The following KREMEN1 variants were observed in gnomAD, a reference collection of about 807,000 sequenced individuals.
KREMEN1 encodes kremen protein 1.
KREMEN1 carries 30 observed loss-of-function variants against 46.5 expected under a neutral mutation model. That is an observed-to-expected ratio of 0.65 (90% confidence interval 0.48 to 0.88). The LOEUF is 0.88. Among genes scored for constraint, KREMEN1 ranks in the 40% least tolerant of loss-of-function variants. The pLI, the probability that KREMEN1 is intolerant of heterozygous loss-of-function variation, is 0.00. For synonymous variants in KREMEN1, 214 were observed against 230.6 expected (o/e 0.93, Z 0.65); for missense variants, 533 against 596.9 (o/e 0.89, Z 1.11).
intron 3 of KREMEN1, among the ~76,000 whole-genome samples, chr22:29,111,133 C>T (rs1245359904): frequency 6.6e-6 from 1 of 151,280 alleles, no homozygotes; most frequent in African/African-American, 2.4e-5. Context: ...ATAGTGAGAC[C>T]CCATCTCTAC....
chr22:29,137,062 T>G (rs1026710501), intron 5 of KREMEN1, among the ~76,000 whole-genome samples: 1 of 152,156 alleles, frequency 6.6e-6, no homozygotes, highest in Non-Finnish European at 1.5e-5. Context: ...CACTTGGCCC[T>G]GCCAGTCCCA....
chr22:29,125,754 T>G (rs905253407), intron 5 of KREMEN1, among the ~76,000 whole-genome samples: 3 of 152,168 alleles, frequency 2.0e-5, no homozygotes, highest in African/African-American at 7.2e-5. Flanking sequence ...TTTATTATAC[T>G]CTTGCTTTAA....
chr22:29,085,080 A>G (rs182512682), intron 1 of KREMEN1, among the ~76,000 whole-genome samples: 29 of 152,378 alleles, frequency 1.9e-4, no homozygotes, highest in Admixed American at 1.7e-3. Flanking sequence ...AGAACGTGAT[A>G]TATGAGTATC....
At chr22:29,099,025 G>A in intron 3 of KREMEN1, 72 bp downstream of exon 3, 1 of 1,137,738 alleles carries the variant, frequency 8.8e-7, no homozygotes, top group Non-Finnish European at 1.3e-6. Flanking sequence ...GGAGGCCCCT[G>A]CCAGAGGTCA....
chr22:29,142,749 C>A lies in KREMEN1; in HGVS notation c.*637C>A. On this transcript the variant is annotated 3_prime_UTR_variant, in exon 9 of 9. Transcript: ENST00000400335. Reference sequence around the variant, plus strand: ...AGGGTCTGAGAATAAGATCTAGTGACCCCCATTTATATCAAACCTGATACC... The same window carrying A: ...AGGGTCTGAGAATAAGATCTAGTGAACCCCATTTATATCAAACCTGATACC... 1.0e-6 allele frequency: 1 copy of A among 985,402 alleles called. No homozygotes were observed. The highest frequency in any genetic ancestry group is 1.1e-4 in the East Asian group (1 of 8,810). 61.0% of individuals were successfully genotyped at this position (985,402 alleles called of 1,614,324 possible).
At chr22:29,140,729 G>A (rs117429497) in intron 8 of KREMEN1, among the ~76,000 whole-genome samples, 1 of 152,312 alleles carries the variant, frequency 6.6e-6, no homozygotes, top group Non-Finnish European at 1.5e-5. Flanking sequence ...TCTAGAAATT[G>A]AGAAACATCC....
intron 1 of KREMEN1, among the ~76,000 whole-genome samples, chr22:29,093,746 G>T (rs1021262473): frequency 2.0e-5 from 3 of 152,196 alleles, no homozygotes; most frequent in Non-Finnish European, 4.4e-5. Context: ...GTGTGATTGG[G>T]ATTCCAAAGC....
chr22:29,089,125 AC>A (rs931470041), intron 1 of KREMEN1, among the ~76,000 whole-genome samples: 2 of 152,086 alleles, frequency 1.3e-5, no homozygotes, highest in African/African-American at 4.8e-5. Context: ...AGTGCTGGGG[AC>A]CATATTTCTA....
At chr22:29,074,879 T>C (rs750104740) in intron 1 of KREMEN1, among the ~76,000 whole-genome samples, 7 of 152,340 alleles carry the variant, frequency 4.6e-5, no homozygotes, top group Middle Eastern at 3.4e-3. Context: ...TTAAATGATA[T>C]ACTGTAGGTA....
At chr22:29,117,743 T>C (rs904131537) in intron 3 of KREMEN1, among the ~76,000 whole-genome samples, 2 of 152,192 alleles carry the variant, frequency 1.3e-5, no homozygotes, top group Non-Finnish European at 2.9e-5. Context: ...GGACTTCAGC[T>C]GATAGTGGAG....
Position 29,142,183 on chromosome 22 carries a change from G to A in KREMEN1, c.*71G>A. The A allele has an allele frequency of 6.8e-7, 1 of 1,464,514 alleles. No individual in the cohort carries two copies. The highest frequency in any genetic ancestry group is 1.4e-5 in the African/African-American group (1 of 69,356). 90.7% of individuals were successfully genotyped at this position (1,464,514 alleles called of 1,614,324 possible). A position where few individuals can be genotyped will look rare whatever the true frequency, so the allele number is the denominator to read the frequency against. On this transcript the variant is annotated 3_prime_UTR_variant, in exon 9 of 9. Coordinates refer to ENST00000400335, the MANE Select transcript of KREMEN1 (RefSeq NM_001039570.3). ...GCTGCCGTGGTCAACCTCTCCTGTG[G>A]TTCTTCTCTGACAGACTCTTCCCCT...
chr22:29,097,849 A>G (rs868483993), intron 2 of KREMEN1, among the ~76,000 whole-genome samples: 10 of 152,072 alleles, frequency 6.6e-5, no homozygotes, highest in Admixed American at 2.0e-4. Context: ...ACATGGAATT[A>G]TGTCATCTAT....
rs200023748 is a variant in KREMEN1, at chr22:29,121,465, G to T, written c.461G>T (p.Arg154Leu). The T allele has an allele frequency of 1.9e-6, 3 of 1,613,968 alleles. No homozygotes were observed. The Admixed American group carries it at 5.0e-5, about 27-fold the overall frequency. Residue 154 changes from arginine (R) to leucine (L), a missense_variant, in exon 4 of 9, where the codon CGG (arginine) becomes CTG (leucine). By Grantham distance (102) the Arg-to-Leu change is moderately radical. Transcript: ENST00000400335. ...LTIQTCISFC[R>L]SQRFKFAGME... ...ATACAAACTTGCATCAGTTTTTGTC[G>T]GAGTCAGAGGTTCAAGGTGATGACT...
chr22:29,167,311 A>G, exon 10 of KREMEN1: 1 of 591,390 alleles, frequency 1.7e-6, no homozygotes, highest in Non-Finnish European at 3.0e-6. Context: ...GTGAGCTATG[A>G]TCACACCACC....
At chr22:29,160,433 G>C (rs867996314) in intron 9 of KREMEN1, among the ~76,000 whole-genome samples, 1 of 151,258 alleles carries the variant, frequency 6.6e-6, no homozygotes, top group African/African-American at 2.4e-5. Context: ...CCAGCTACTC[G>C]GGAGGCTGAG....
At chr22:29,104,874 A>G (rs2038030480) in intron 3 of KREMEN1, among the ~76,000 whole-genome samples, 1 of 152,224 alleles carries the variant, frequency 6.6e-6, no homozygotes. Flanking sequence ...AGCCTGGGCG[A>G]CAGAGCAAGA....
intron 3 of KREMEN1, among the ~76,000 whole-genome samples, chr22:29,118,872 T>C (rs909922072): frequency 3.9e-5 from 6 of 152,112 alleles, no homozygotes; most frequent in Non-Finnish European, 8.8e-5. Context: ...GTCCTACAAT[T>C]AAGTTATGGC....
At chr22:29,082,108 C>T (rs1301749255) in intron 1 of KREMEN1, among the ~76,000 whole-genome samples, 1 of 152,254 alleles carries the variant, frequency 6.6e-6, no homozygotes, top group African/African-American at 2.4e-5. Context: ...GACCTTCAGA[C>T]AACATGGAAA....
At chr22:29,131,536 A>G (rs77603637) in intron 5 of KREMEN1, among the ~76,000 whole-genome samples, 6 of 37,510 alleles carry the variant, frequency 1.6e-4, no homozygotes, top group African/African-American at 6.2e-4. Context: ...ATATATATAT[A>G]TATATATATA....
Sources: allele counts gnomAD v4.1 joint callset (sites outside exome capture counted in the v4.1 genomes callset), GRCh38; gene constraint gnomAD v4.1.1; transcripts MANE v1.5; gene names NCBI Gene and HGNC (gene_info 2026-07-23, HGNC 2026-07-21).